The following FSIP1 variants were observed in gnomAD, a reference collection of about 807,000 sequenced individuals.
FSIP1 encodes fibrous sheath-interacting protein 1.
A neutral mutation model predicts 60.9 loss-of-function variants in FSIP1; 65 were observed. The ratio of observed to expected loss-of-function variants is 1.07; its 90% CI spans 0.87 to 1.31. The LOEUF (loss-of-function observed/expected upper bound fraction) is 1.31, where lower values mean the gene tolerates loss of function less well. FSIP1 is among the 40% of genes most tolerant of loss of function. The probability of loss-of-function intolerance (pLI) is 0.00; values close to 1 mark genes in which losing one functional copy is unlikely to be tolerated. For missense variants in FSIP1, 675 were observed against 665.5 expected, an observed-to-expected ratio of 1.01 and a Z score of -0.16; for synonymous variants, 209 against 221.2, an observed-to-expected ratio of 0.94 and a Z score of 0.49.
At chr15:39,748,523 G>T (rs900112773) in intron 5 of FSIP1, among the ~76,000 whole-genome samples, 1 of 152,090 alleles carries the variant, frequency 6.6e-6, no homozygotes, top group African/African-American at 2.4e-5. Flanking sequence ...TGGCATAGTG[G>T]CATAAATTCC....
chr15:39,704,263 A>G (rs1406624718), intron 10 of FSIP1, among the ~76,000 whole-genome samples: 1 of 152,236 alleles, frequency 6.6e-6, no homozygotes, highest in Non-Finnish European at 1.5e-5. Flanking sequence ...AAAAAAGATT[A>G]AAATAATTTC....
intron 1 of FSIP1, among the ~76,000 whole-genome samples, chr15:39,778,570 A>C (rs1491625): frequency 6.6e-6 from 1 of 152,178 alleles, no homozygotes; most frequent in Non-Finnish European, 1.5e-5. Context: ...AGAAATTGCA[A>C]CTGCCACAAA....
At chr15:39,625,837 C>A (rs916772499) in intron 10 of FSIP1, among the ~76,000 whole-genome samples, 1 of 152,212 alleles carries the variant, frequency 6.6e-6, no homozygotes, top group Non-Finnish European at 1.5e-5. Flanking sequence ...GAACTGGAAC[C>A]TACTCCACCC....
intron 10 of FSIP1, among the ~76,000 whole-genome samples, chr15:39,687,765 C>T (rs1894441952): frequency 6.6e-6 from 1 of 152,160 alleles, no homozygotes; most frequent in Admixed American, 6.5e-5. Context: ...ATCCTCTTGC[C>T]TTGCCTGATT....
At chr15:39,666,084 G>T (rs1471495275) in intron 10 of FSIP1, among the ~76,000 whole-genome samples, 2 of 152,072 alleles carry the variant, frequency 1.3e-5, no homozygotes, top group Non-Finnish European at 2.9e-5. Flanking sequence ...AATAATAAAG[G>T]GTATAAACAG....
At chr15:39,725,944 C>T (rs1896176528) in intron 9 of FSIP1, among the ~76,000 whole-genome samples, 1 of 152,058 alleles carries the variant, frequency 6.6e-6, no homozygotes, top group Admixed American at 6.6e-5. Context: ...ACCACCACAC[C>T]CAGCTAATTT....
At chr15:39,633,159 C>T (rs1007561710) in intron 10 of FSIP1, among the ~76,000 whole-genome samples, 7 of 142,008 alleles carry the variant, frequency 4.9e-5, no homozygotes, top group Non-Finnish European at 1.0e-4. Flanking sequence ...GGTGCGATCT[C>T]GGCTCACTAC....
At chr15:39,635,805 T>A (rs1892111699) in intron 10 of FSIP1, among the ~76,000 whole-genome samples, 1 of 152,166 alleles carries the variant, frequency 6.6e-6, no homozygotes. Flanking sequence ...TGCTTTCTGA[T>A]GGTAAGGTGC....
rs569596262 is a variant in FSIP1 at position 39,615,247 on chromosome 15, A to G, written c.1699+2488T>C. ...TAATACGACCTTGAAGGCACAGGCA[A>G]AAATAGACAAATGTGATTATATCAA... On this transcript the variant is annotated intron_variant, in intron 11 of 11. Coordinates refer to ENST00000350221, the MANE Select transcript of FSIP1 (RefSeq NM_152597.5). Among the ~76,000 whole-genome samples the G allele has an allele frequency of 1.8e-3, 281 of 152,290 alleles. 1 individual carries two copies. The highest frequency in any genetic ancestry group is 6.5e-3 in the African/African-American group (269 of 41,564).
At chr15:39,687,184 T>C (rs1356799151) in intron 10 of FSIP1, among the ~76,000 whole-genome samples, 1 of 147,510 alleles carries the variant, frequency 6.8e-6, no homozygotes, top group East Asian at 2.0e-4. Context: ...GTTTTGCTCT[T>C]GTTGCCCAGG....
At chr15:39,758,152 A>T (rs1315202570) in intron 5 of FSIP1, among the ~76,000 whole-genome samples, 1 of 152,136 alleles carries the variant, frequency 6.6e-6, no homozygotes. Flanking sequence ...ATGTGAGCAT[A>T]GATTTAAGTC....
At chr15:39,620,983 G>C (rs1891421054) in intron 10 of FSIP1, among the ~76,000 whole-genome samples, 2 of 149,622 alleles carry the variant, frequency 1.3e-5, no homozygotes, top group Non-Finnish European at 3.0e-5. Context: ...TGTATGTTTG[G>C]ACATCAGAAG....
At chr15:39,762,659 G>A (rs1209021511) in intron 5 of FSIP1, among the ~76,000 whole-genome samples, 1 of 152,126 alleles carries the variant, frequency 6.6e-6, no homozygotes, top group East Asian at 1.9e-4. Context: ...CATAATGGCT[G>A]GCTTTCCTCT....
At chr15:39,724,276 G>A (rs1256545891) in intron 9 of FSIP1, among the ~76,000 whole-genome samples, 6 of 148,382 alleles carry the variant, frequency 4.0e-5, no homozygotes, top group Admixed American at 1.3e-4. Flanking sequence ...TTTTTGAGAC[G>A]GAGTCTCACT....
chr15:39,723,368 A>G (rs1397113835), intron 9 of FSIP1, among the ~76,000 whole-genome samples: 1 of 152,138 alleles, frequency 6.6e-6, no homozygotes, highest in Non-Finnish European at 1.5e-5. Flanking sequence ...AGCTGGGACT[A>G]CAGGCGCCTG....
chr15:39,708,651 G>C (rs1295534990), intron 10 of FSIP1, among the ~76,000 whole-genome samples: 1 of 152,054 alleles, frequency 6.6e-6, no homozygotes, highest in Admixed American at 6.5e-5. Flanking sequence ...ATAAATACAT[G>C]TAGCCCCATT....
intron 5 of FSIP1, among the ~76,000 whole-genome samples, chr15:39,755,226 C>T (rs374810186): frequency 2.0e-5 from 3 of 151,626 alleles, no homozygotes; most frequent in Non-Finnish European, 2.9e-5. Context: ...AATGGAATGA[C>T]GAACAAACCA....
chr15:39,673,096 T>C (rs540122775), intron 10 of FSIP1, among the ~76,000 whole-genome samples: 2 of 152,346 alleles, frequency 1.3e-5, no homozygotes, highest in East Asian at 1.9e-4. Context: ...CTAACGCATA[T>C]GTCAGTCATG....
chr15:39,738,633 T>C (rs1053235746), intron 7 of FSIP1, among the ~76,000 whole-genome samples: 3 of 152,142 alleles, frequency 2.0e-5, no homozygotes, highest in African/African-American at 7.2e-5. Context: ...CAGTTACTAT[T>C]AAAAAGGGGA....
Sources: allele counts gnomAD v4.1 joint callset (sites outside exome capture counted in the v4.1 genomes callset), GRCh38; gene constraint gnomAD v4.1.1; transcripts MANE v1.5; gene names NCBI Gene and HGNC (gene_info 2026-07-23, HGNC 2026-07-21).